Variants in PDAP1 observed in about 807,000 individuals in gnomAD.
PDAP1 encodes the protein PDGFA associated protein 1.
PDAP1 carries 13 observed loss-of-function variants against 28.0 expected under a neutral mutation model. The ratio of observed to expected loss-of-function variants is 0.46; its 90% CI spans 0.30 to 0.74. The LOEUF is 0.74. Ranked by LOEUF, PDAP1 falls within the 30% of genes least tolerant of loss-of-function variation. The pLI, the probability that PDAP1 is intolerant of heterozygous loss-of-function variation, is 0.07. For synonymous variants in PDAP1, 77 were observed against 85.1 expected, an observed-to-expected ratio of 0.91 and a Z score of 0.52; for missense variants, 150 against 230.0, an observed-to-expected ratio of 0.65 and a Z score of 2.25.
intron 1 of PDAP1, chr7:99,406,637 C>T (rs1314522226): frequency 9.1e-6 from 9 of 984,106 alleles, no homozygotes; most frequent in Non-Finnish European, 1.1e-5. Flanking sequence ...GGTGGCATCC[C>T]CCTCTGCTGG....
intron 4 of PDAP1, 94 bp from the exon 5 acceptor site, chr7:99,398,107 G>T: frequency 7.0e-7 from 1 of 1,423,444 alleles, no homozygotes; most frequent in Non-Finnish European, 9.7e-7. Context: ...ATTCGGCCTA[G>T]GGCCGAGGTG....
intron 5 of PDAP1, 78 bp downstream of exon 5, chr7:99,397,784 G>C (rs946316718): frequency 1.2e-5 from 19 of 1,545,444 alleles, no homozygotes; most frequent in Admixed American, 5.2e-5. Context: ...TCGCGGACAG[G>C]GACACGAGTT....
chr7:99,397,288 G>C (rs561599837), intron 5 of PDAP1, among the ~76,000 whole-genome samples: 1 of 152,140 alleles, frequency 6.6e-6, no homozygotes, highest in African/African-American at 2.4e-5. Flanking sequence ...ACCCCCGGGA[G>C]ATGGAATGTT....
At chr7:99,406,746 A>C (rs1261449807) in intron 1 of PDAP1, 4 of 380,648 alleles carry the variant, frequency 1.1e-5, no homozygotes, top group Non-Finnish European at 1.4e-5. Context: ...GAGACTCTGT[A>C]ATCAGCCAGA....
rs1794923576 is a variant in PDAP1, at chr7:99,403,904, C to A, written c.106-399G>T. On this transcript the variant is annotated intron_variant, in intron 2 of 5. Coordinates refer to ENST00000350498, the MANE Select transcript of PDAP1 (RefSeq NM_014891.7). ...TGCCACATGCAGCTGCCAAATCATGCTGGCATTCCCAGGCGAGTCCTCTCC... is the reference window on the plus strand; with the variant it reads ...TGCCACATGCAGCTGCCAAATCATGATGGCATTCCCAGGCGAGTCCTCTCC... 2.0e-5 allele frequency among the ~76,000 whole-genome samples: 3 copies of A among 152,298 alleles called. No homozygotes were observed. In the South Asian group the frequency reaches 6.2e-4, roughly 32 times the overall value.
intron 1 of PDAP1, among the ~76,000 whole-genome samples, chr7:99,407,939 G>A (rs973658077): frequency 2.0e-5 from 3 of 152,208 alleles, no homozygotes; most frequent in African/African-American, 7.2e-5. Flanking sequence ...ACTCCACGTG[G>A]ATTACCTAGT....
intron 4 of PDAP1, among the ~76,000 whole-genome samples, chr7:99,399,802 C>T (rs924559690): frequency 1.3e-5 from 2 of 152,218 alleles, no homozygotes; most frequent in African/African-American, 4.8e-5. Flanking sequence ...AGTACATGAT[C>T]TTGATCCTCA....
At chr7:99,406,561 T>C (rs1414979886) in intron 1 of PDAP1, 2 of 985,054 alleles carry the variant, frequency 2.0e-6, no homozygotes, top group Admixed American at 6.1e-5. Context: ...AGTTTTATAG[T>C]CTGACCCTCT....
chr7:99,399,685 A>C (rs1794827851), intron 4 of PDAP1, among the ~76,000 whole-genome samples: 1 of 152,224 alleles, frequency 6.6e-6, no homozygotes, highest in African/African-American at 2.4e-5. Context: ...ATTCCCAGTC[A>C]GGAGAGAAAC....
At chr7:99,405,056 C>T in intron 1 of PDAP1, 103 bp from the exon 2 acceptor site, 1 of 777,184 alleles carries the variant, frequency 1.3e-6, no homozygotes, top group Admixed American at 2.3e-5. Context: ...GAGGCCTCAC[C>T]TACCCCTCAC....
chr7:99,398,268 C>T (rs1416729197), intron 4 of PDAP1, among the ~76,000 whole-genome samples: 10 of 152,354 alleles, frequency 6.6e-5, no homozygotes, highest in East Asian at 1.9e-4. Flanking sequence ...TGTCCAGCTA[C>T]AGCAGGGAGG....
intron 5 of PDAP1, 86 bp from the exon 6 acceptor site, chr7:99,396,826 G>T: frequency 1.9e-6 from 2 of 1,037,636 alleles, no homozygotes; most frequent in Non-Finnish European, 1.5e-6. Flanking sequence ...AGAACTTTAG[G>T]TCTGAAAGGC....
In PDAP1 at chr7:99,399,098, G is replaced by C. The variant is rs1435162593; in HGVS notation, c.336-1085C>G. On this transcript the variant is annotated intron_variant, in intron 4 of 5. Coordinates refer to ENST00000350498, the MANE Select transcript of PDAP1 (RefSeq NM_014891.7). ...GCTGGAGGAGGGGAGGGCCCTGCCT[G>C]GCAGGAGGCTGGGAGAGAGACTCGG... 2.6e-5 allele frequency among the ~76,000 whole-genome samples: 4 copies of C among 152,234 alleles called. No individual in the cohort carries two copies. In the South Asian group the frequency reaches 8.3e-4, roughly 32 times the overall value.
rs1007122275 is a variant in PDAP1 at position 99,408,570 on chromosome 7, G to A, written c.-22C>T. 6 of 1,270,312 alleles carry A rather than the reference G, an allele frequency of 4.7e-6. No homozygotes were observed. Among genetic ancestry groups the A allele is most frequent in the African/African-American group, 1.5e-5 (1 of 64,666 alleles). The allele number at this position is 1,270,312 out of a possible 1,614,324, so 78.7% of individuals were successfully genotyped here. ...GCATTGCGGCTCCGGCGGCTGCGGC[G>A]GCGGCGGCGGCGCCTCGAACTGACA... On this transcript the variant is annotated 5_prime_UTR_variant, in exon 1 of 6. Coordinates refer to ENST00000350498, the MANE Select transcript of PDAP1 (RefSeq NM_014891.7).
intron 5 of PDAP1, among the ~76,000 whole-genome samples, 175 bp from the exon 6 acceptor site, chr7:99,396,915 C>T (rs1004296345): frequency 6.6e-6 from 1 of 152,078 alleles, no homozygotes; most frequent in African/African-American, 2.4e-5. Context: ...CCCGGGCCCC[C>T]CGACATTCCC....
chr7:99,399,067 C>T (rs919379376), intron 4 of PDAP1, among the ~76,000 whole-genome samples: 1 of 152,056 alleles, frequency 6.6e-6, no homozygotes, highest in Non-Finnish European at 1.5e-5. Flanking sequence ...CCTGGAAGAG[C>T]CAAGTGCTGG....
Position 99,395,322 on chromosome 7 carries a change from T to G in PDAP1, c.*1360A>C, listed in dbSNP as rs1794731785. 6.6e-6 allele frequency: 1 copy of G among 152,234 alleles called. No individual in the cohort carries two copies. Among genetic ancestry groups the G allele is most frequent in the Admixed American group, 6.6e-5 (1 of 15,264 alleles). The allele number at this position is 152,234 out of a possible 1,614,324, so 9.4% of individuals were successfully genotyped here. On this transcript the variant is annotated 3_prime_UTR_variant, in exon 6 of 6. Coordinates refer to ENST00000350498, the MANE Select transcript of PDAP1 (RefSeq NM_014891.7). ...TACACCACCAAGCCTGGTTAATTTT[T>G]GTATTTTTAGTAGAGACGGAGTTTC...
chr7:99,394,872 T>G lies in PDAP1; in HGVS notation c.*1810A>C, dbSNP rs1277634825. The G allele has an allele frequency of 6.7e-6, 8 of 1,186,228 alleles. No homozygotes were observed. Among genetic ancestry groups the G allele is most frequent in the Non-Finnish European group, 5.3e-6 (5 of 948,494 alleles). The allele number at this position is 1,186,228 out of a possible 1,614,324, so 73.5% of individuals were successfully genotyped here. On this transcript the variant is annotated 3_prime_UTR_variant, in exon 6 of 6. Coordinates refer to ENST00000350498, the MANE Select transcript of PDAP1 (RefSeq NM_014891.7). ...TATTTCCTTGGGGTCTTGCTAAGTT[T>G]TCCAGGCTGCACTAGAACTCGTGGG...
chr7:99,408,468 A>C, intron 1 of PDAP1, 68 bp downstream of exon 1: 1 of 1,311,230 alleles, frequency 7.6e-7, no homozygotes, highest in South Asian at 1.8e-5. Context: ...GCACGGGCTG[A>C]GGGGACAGCG....
Sources: gnomAD v4.1 joint callset for allele counts (sites outside exome capture counted in the v4.1 genomes callset) on GRCh38, gnomAD v4.1.1 for gene constraint, MANE v1.5 for transcripts, NCBI Gene and HGNC (gene_info 2026-07-23, HGNC 2026-07-21) for gene names.